Variants in SPDYC observed in about 807,000 individuals in gnomAD.
The protein encoded by SPDYC is speedy/RINGO cell cycle regulator family member C, also known as speedy protein C.
SPDYC carries 25 observed loss-of-function variants against 33.9 expected under a neutral mutation model. The observed-to-expected ratio is 0.74, with a 90% confidence interval of 0.54 to 1.03. The LOEUF (loss-of-function observed/expected upper bound fraction) is 1.03. Among genes scored for constraint, SPDYC ranks in the 50% least tolerant of loss-of-function variants. The pLI is 0.00. For missense variants in SPDYC, 349 were observed against 382.9 expected, an observed-to-expected ratio of 0.91 and a Z score of 0.74; for synonymous variants, 133 against 140.2, an observed-to-expected ratio of 0.95 and a Z score of 0.36.
exon 5 of SPDYC, chr11:65,172,494 G>C (rs1565373910): frequency 6.3e-7 from 1 of 1,581,572 alleles, no homozygotes; most frequent in Non-Finnish European, 8.6e-7. Flanking sequence ...TTTTTCCATG[G>C]GCCCTGGGAA....
intron 1 of SPDYC, 66 bp from the exon 2 acceptor site, chr11:65,171,261 A>T: frequency 6.5e-7 from 1 of 1,534,710 alleles, no homozygotes; most frequent in Non-Finnish European, 8.8e-7. Flanking sequence ...GGCCCCTGTC[A>T]CCACCCTCTT....
At chr11:65,170,710 C>CA (rs1948421660) in intron 1 of SPDYC, among the ~76,000 whole-genome samples, 1 of 151,264 alleles carries the variant, frequency 6.6e-6, no homozygotes, top group Non-Finnish European at 1.5e-5. Context: ...CTGTCTCTAC[C>CA]AAAAAAATAC....
chr11:65,171,389 C>CT lies in SPDYC; in HGVS notation c.90dup (p.Val31CysfsTer56). On this transcript the variant is annotated frameshift_variant, in exon 2 of 7. Coordinates refer to ENST00000377185, the Ensembl canonical transcript of SPDYC. LOFTEE classifies it high-confidence loss of function. ...GACTCCCAAGACCCCACCACTTCCCCTGTAGTTACCACCCAGGTAGAGCTG... is the reference window on the plus strand; with the variant it reads ...GACTCCCAAGACCCCACCACTTCCCCTTGTAGTTACCACCCAGGTAGAGCTG... 2 of 1,611,116 alleles carry CT rather than the reference C, an allele frequency of 1.2e-6. No individual in the cohort carries two copies. Among genetic ancestry groups the CT allele is most frequent in the Non-Finnish European group, 1.7e-6 (2 of 1,178,710 alleles).
intron 6 of SPDYC, 81 bp from the exon 7 acceptor site, chr11:65,173,102 T>C: frequency 6.3e-7 from 1 of 1,599,770 alleles, no homozygotes; most frequent in Non-Finnish European, 8.5e-7. Context: ...GAGAGGGCCA[T>C]GGGCCTGGGG....
Position 65,172,675 on chromosome 11 carries a change from T to C in SPDYC, c.517-9T>C. 6.3e-7 allele frequency: 1 copy of C among 1,591,834 alleles called. No individual in the cohort carries two copies. The highest frequency in any genetic ancestry group is 8.6e-7 in the Non-Finnish European group (1 of 1,166,808). Reference sequence around the variant, plus strand: ...CCACCCCATTTACTGTCCACTCTGCTCCTCCCAGGTCATGGCAAAGGAGCC... The same window carrying C: ...CCACCCCATTTACTGTCCACTCTGCCCCTCCCAGGTCATGGCAAAGGAGCC... On this transcript the variant is annotated splice_polypyrimidine_tract_variant and intron_variant, in intron 5 of 6. Transcript: ENST00000377185.
rs1357030822 is a variant in SPDYC, at chr11:65,172,651, CA to C, written c.517-32del. ...GGGGTGTGGGGAAGGCTGGGGTTCC[CA>C]CCCCATTTACTGTCCACTCTGCTCC... On this transcript the variant is annotated intron_variant, in intron 5 of 6. Coordinates refer to ENST00000377185, the Ensembl canonical transcript of SPDYC. 1.9e-6 allele frequency: 3 copies of C among 1,564,244 alleles called. No individual in the cohort carries two copies. The East Asian group carries it at 6.8e-5, about 35-fold the overall frequency.
Position 65,173,204 on chromosome 11 carries a change from G to A in SPDYC, c.869G>A (p.Arg290His), listed in dbSNP as rs114694017. ...CCAGTCTTCCCAAAGCCTCCGGCAC[G>A]CCCTGGGCACTGAAGCTCTGCAGGG... Residue 290 changes from arginine to histidine, a missense_variant, in exon 7 of 7, where the codon CGC becomes CAC. Physicochemically the swap from Arg to His is conservative, Grantham distance 29. Transcript: ENST00000377185. 3.8e-4 allele frequency: 610 copies of A among 1,613,900 alleles called. 2 individuals are homozygous for A. The African/African-American group carries it at 7.2e-3, about 19-fold the overall frequency.
chr11:65,173,010 C>T (rs976594275), exon 6 of SPDYC: 4 of 1,613,202 alleles, frequency 2.5e-6, no homozygotes, highest in Non-Finnish European at 3.4e-6. Flanking sequence ...CCTACTCCCT[C>T]CGCAGTGAGT....
At chr11:65,171,418 G>T in exon 2 of SPDYC, 1 of 1,606,224 alleles carries the variant, frequency 6.2e-7, no homozygotes, top group Non-Finnish European at 8.5e-7. Context: ...AGAGCTGGGG[G>T]GCTGCAGCCG....
chr11:65,170,324 T>C, intron 1 of SPDYC, 63 bp downstream of exon 1: 1 of 1,521,880 alleles, frequency 6.6e-7, no homozygotes, highest in Non-Finnish European at 8.8e-7. Flanking sequence ...GGGCCCAGAT[T>C]GGCCCTGGGG....
exon 6 of SPDYC, chr11:65,172,733 C>G (rs776007137): frequency 1.9e-6 from 3 of 1,613,124 alleles, no homozygotes; most frequent in South Asian, 2.2e-5. Flanking sequence ...GACCGGCGCC[C>G]CCACCATGGT....
At chr11:65,171,376 C>T (rs1307860184) in exon 2 of SPDYC, 1 of 1,612,072 alleles carries the variant, frequency 6.2e-7, no homozygotes, top group Admixed American at 1.7e-5. Context: ...CTCCCAAGAC[C>T]CCACCACTTC....
chr11:65,172,855 C>A, exon 6 of SPDYC: 1 of 1,614,196 alleles, frequency 6.2e-7, no homozygotes, highest in Non-Finnish European at 8.5e-7. Flanking sequence ...CAGCCACTTG[C>A]TTAAGCCTGT....
chr11:65,173,317 T>A, downstream of SPDYC: 1 of 1,398,654 alleles, frequency 7.1e-7, no homozygotes, highest in Non-Finnish European at 9.8e-7. Flanking sequence ...CTGCAGCTTG[T>A]GCCCACTCTG....
chr11:65,171,646 T>A lies in SPDYC; in HGVS notation c.199+147T>A, dbSNP rs574529962. On this transcript the variant is annotated intron_variant, in intron 2 of 6. Coordinates refer to ENST00000377185, the Ensembl canonical transcript of SPDYC. Reference sequence around the variant, plus strand: ...TCCCAGCTTAGGCAGGTGGGAGGGGTGTCCTCTCAGAAACTGGATTCAGGG... The same window carrying A: ...TCCCAGCTTAGGCAGGTGGGAGGGGAGTCCTCTCAGAAACTGGATTCAGGG... 4.8e-5 allele frequency: 49 copies of A among 1,013,604 alleles called. No individual in the cohort carries two copies. The Admixed American group carries it at 1.4e-3, about 29-fold the overall frequency. 62.8% of individuals were successfully genotyped at this position (1,013,604 alleles called of 1,614,324 possible).
chr11:65,170,983 A>ACTAC (rs1409166110), intron 1 of SPDYC, among the ~76,000 whole-genome samples: 2 of 152,130 alleles, frequency 1.3e-5, no homozygotes, highest in Non-Finnish European at 2.9e-5. Flanking sequence ...TCCTCGTTTG[A>ACTAC]CGACCGGTCT....
intron 4 of SPDYC, 40 bp from the exon 5 acceptor site, chr11:65,172,394 G>A: frequency 6.2e-7 from 1 of 1,613,368 alleles, no homozygotes; most frequent in South Asian, 1.1e-5. Flanking sequence ...CAGGGCAGAT[G>A]TGTGGCCTCT....
intron 2 of SPDYC, 146 bp downstream of exon 2, chr11:65,171,645 G>T (rs1266852087): frequency 9.7e-7 from 1 of 1,027,652 alleles, no homozygotes; most frequent in Non-Finnish European, 1.4e-6. Context: ...GGTGGGAGGG[G>T]TGTCCTCTCA....
At chr11:65,172,934 T>C (rs772060833) in exon 6 of SPDYC, 1 of 1,613,344 alleles carries the variant, frequency 6.2e-7, no homozygotes, top group East Asian at 2.2e-5. Flanking sequence ...CTCTCAAGGG[T>C]CAAAAACGCC....
Sources: gnomAD v4.1 joint callset for allele counts (sites outside exome capture counted in the v4.1 genomes callset) on GRCh38, gnomAD v4.1.1 for gene constraint, MANE v1.5 for transcripts, NCBI Gene and HGNC (gene_info 2026-07-23, HGNC 2026-07-21) for gene names.